Variants in CENPF observed in about 807,000 individuals in gnomAD.
The protein encoded by CENPF is AH antigen.
Under a neutral mutation model 307.3 loss-of-function variants are expected in CENPF, and 214 were observed. The observed-to-expected ratio is 0.70, with a 90% CI of 0.62 to 0.78. CENPF has a LOEUF of 0.78. Ranked by LOEUF, CENPF falls within the 30% of genes least tolerant of loss-of-function variation. The probability of loss-of-function intolerance (pLI) is 0.00; values close to 1 mark genes in which losing one functional copy is unlikely to be tolerated. For missense variants in CENPF, 3,401 were observed against 3,483.9 expected, an observed-to-expected ratio of 0.98 and a Z score of 0.60; for synonymous variants, 1,259 against 1,270.6, an observed-to-expected ratio of 0.99 and a Z score of 0.19.
At chr1:214,638,086 A>T in intron 11 of CENPF, 85 bp downstream of exon 11, 2 of 1,328,734 alleles carry the variant, frequency 1.5e-6, no homozygotes, top group Non-Finnish European at 1.0e-6. Context: ...TATTAGAGAA[A>T]CTCTTTGGAT....
At chr1:214,620,568 G>T in intron 5 of CENPF, 87 bp from the exon 6 acceptor site, 1 of 1,379,242 alleles carries the variant, frequency 7.3e-7, no homozygotes, top group Middle Eastern at 1.9e-4. Context: ...AACTTCTTGG[G>T]ATTATGGCTT....
At chr1:214,658,182 G>A (rs1247555424) in intron 18 of CENPF, among the ~76,000 whole-genome samples, 1 of 107,132 alleles carries the variant, frequency 9.3e-6, no homozygotes, top group Non-Finnish European at 2.0e-5. Flanking sequence ...TGTAGTTAAA[G>A]TGTGAAAAAA....
intron 7 of CENPF, among the ~76,000 whole-genome samples, chr1:214,628,723 A>T (rs1657724126): frequency 6.6e-6 from 1 of 152,248 alleles, no homozygotes; most frequent in African/African-American, 2.4e-5. Context: ...TTATGCTTGA[A>T]ACAGACTATC....
chr1:214,649,953 G>A (rs1370629682), intron 14 of CENPF, among the ~76,000 whole-genome samples: 1 of 152,194 alleles, frequency 6.6e-6, no homozygotes, highest in Non-Finnish European at 1.5e-5. Context: ...CCTATCCTGT[G>A]TTTCCTGCAC....
chr1:214,605,549 C>G lies in CENPF; in HGVS notation c.-42+2228C>G, dbSNP rs915111806. The G allele has an allele frequency of 2.7e-5, 18 of 670,670 alleles. 1 individual carries two copies. The highest frequency in any genetic ancestry group is 5.4e-5 in the African/African-American group (3 of 55,152). 41.5% of individuals were successfully genotyped at this position (670,670 alleles called of 1,614,324 possible). On this transcript the variant is annotated intron_variant, in intron 1 of 19. Coordinates refer to ENST00000366955, the MANE Select transcript of CENPF (RefSeq NM_016343.4). ...AGCTCTGTTGCCTGTACATCGTCCA[C>G]AGCCCCTGGGTTGGAGCGGGGTCCC...
At chr1:214,620,565 TG>T (rs1429974693) in intron 5 of CENPF, 89 bp from the exon 6 acceptor site, 1 of 1,358,236 alleles carries the variant, frequency 7.4e-7, no homozygotes, top group East Asian at 2.3e-5. Flanking sequence ...GTTAACTTCT[TG>T]GGATTATGGC....
rs775507711 is a variant in CENPF at position 214,622,176 on chromosome 1, A to G, written c.963A>G (p.Gln321=). The G allele has an allele frequency of 1.9e-6, 3 of 1,614,060 alleles. No individual in the cohort carries two copies. The South Asian group carries it at 3.3e-5, about 18-fold the overall frequency. The change falls in exon 7 of 20, where the codon CAA becomes CAG. Residue 321 remains glutamine (Q), a synonymous_variant. Transcript: ENST00000366955. ...ATAAGTTTCAAGAACTCCAACTCCAACTGGAGAAAGCAAAAGTGGAATTAA... is the reference window on the plus strand; with the variant it reads ...ATAAGTTTCAAGAACTCCAACTCCAGCTGGAGAAAGCAAAAGTGGAATTAA... ...QVNKFQELQL[Q]LEKAKVELIE...
chr1:214,627,166 C>T (rs1657677121), intron 7 of CENPF, among the ~76,000 whole-genome samples: 1 of 151,622 alleles, frequency 6.6e-6, no homozygotes, highest in Non-Finnish European at 1.5e-5. Context: ...CTTCTGGGCT[C>T]CTTCCACCTC....
At chr1:214,624,672 A>G (rs1462010908) in intron 7 of CENPF, among the ~76,000 whole-genome samples, 2 of 149,252 alleles carry the variant, frequency 1.3e-5, no homozygotes, top group Non-Finnish European at 3.0e-5. Flanking sequence ...AGTTTTGTTG[A>G]TCTTTACTAA....
intron 7 of CENPF, 145 bp downstream of exon 7, chr1:214,622,426 A>G (rs1657533753): frequency 2.6e-6 from 2 of 760,020 alleles, no homozygotes; most frequent in Non-Finnish European, 4.1e-6. Context: ...ACTGAACTAG[A>G]AAGCTGTTTT....
chr1:214,657,315 A>C lies in CENPF; in HGVS notation c.8868A>C (p.Lys2956Asn). The C allele has an allele frequency of 1.2e-6, 2 of 1,614,018 alleles. No individual in the cohort carries two copies. The highest frequency in any genetic ancestry group is 1.7e-6 in the Non-Finnish European group (2 of 1,180,012). ...CTACCCCAGAGAGCTTTTCTAAAAA[A>C]AGCAAGAAAGCAGTCATGAGTGGTA... is the stretch of plus-strand genomic sequence containing the variant. ...TPATPESFSK[K>N]SKKAVMSGIH... Residue 2956 changes from lysine (K) to asparagine (N), a missense_variant, in exon 18 of 20, where the codon AAA (lysine) becomes AAC (asparagine). Lys to Asn is a moderately conservative substitution (Grantham distance 94). Coordinates refer to ENST00000366955, the MANE Select transcript of CENPF (RefSeq NM_016343.4).
Position 214,616,889 on chromosome 1 carries a change from CTTTCTTTCTTTCTTTCTTTCTTT to C in CENPF, c.360-1683_360-1661del, listed in dbSNP as rs1370831666. Among the ~76,000 whole-genome samples, 19 of 100,000 alleles carry C rather than the reference CTTTCTTTCTTTCTTTCTTTCTTT, an allele frequency of 1.9e-4. 1 individual carries two copies. Among genetic ancestry groups the C allele is most frequent in the South Asian group, 3.6e-4 (1 of 2,798 alleles). The allele number at this position is 100,000 out of a possible 152,430, so 65.6% of individuals were successfully genotyped here. A position where few individuals can be genotyped will look rare whatever the true frequency, so the allele number is the denominator to read the frequency against. On this transcript the variant is annotated intron_variant, in intron 3 of 19. Transcript: ENST00000366955. Reference sequence around the variant, plus strand: ...TCTTTCTTTCTTTCTTTCTTTCTTTCTTTCTTTCTTTCTTTCTTTCTTTCTTTCTTTCTTCTTTCTTTCCACCC... The same window carrying C: ...TCTTTCTTTCTTTCTTTCTTTCTTTCCTTTCTTTCTTCTTTCTTTCCACCC...
rs1177747763 is a variant in CENPF, at chr1:214,641,647, G to A, written c.3309G>A (p.Leu1103=). The A allele has an allele frequency of 5.1e-6, 8 of 1,578,006 alleles. No homozygotes were observed. Among genetic ancestry groups the A allele is most frequent in the Non-Finnish European group, 6.9e-6 (8 of 1,165,872 alleles). ...EERNQNLMLE[L]ETVQQALRSE... is the part of the protein sequence containing the mutation. ...GAAATCAGAATCTGATGCTAGAGTT[G>A]GAGACAGTGCAGCAAGCTCTGAGAT... is the stretch of plus-strand genomic sequence containing the variant. The change falls in exon 12 of 20, where the codon TTG becomes TTA. Residue 1103 remains leucine, a synonymous_variant. Transcript: ENST00000366955.
At chr1:214,652,444 C>CTTT (rs34873218) in intron 15 of CENPF, among the ~76,000 whole-genome samples, 1 of 120,946 alleles carries the variant, frequency 8.3e-6, no homozygotes, top group African/African-American at 3.3e-5. Context: ...TTTTTCTTTT[C>CTTT]TTTTTTTTTT....
chr1:214,639,861 C>A, intron 11 of CENPF, 60 bp from the exon 12 acceptor site: 1 of 1,259,518 alleles, frequency 7.9e-7, no homozygotes, highest in Non-Finnish European at 1.1e-6. Flanking sequence ...GAGGGGTTAG[C>A]GTTTCTGTAG....
rs929687332 is a variant in CENPF at position 214,619,121 on chromosome 1, G to A, written c.482-8G>A. 7.6e-7 allele frequency: 1 copy of A among 1,323,700 alleles called. No individual in the cohort carries two copies. The highest frequency in any genetic ancestry group is 1.2e-5 in the South Asian group (1 of 80,938). The allele number at this position is 1,323,700 out of a possible 1,614,324, so 82.0% of individuals were successfully genotyped here. A position where few individuals can be genotyped will look rare whatever the true frequency, so the allele number is the denominator to read the frequency against. On this transcript the variant is annotated splice_polypyrimidine_tract_variant and splice_region_variant and intron_variant, in intron 4 of 19. Coordinates refer to ENST00000366955, the MANE Select transcript of CENPF (RefSeq NM_016343.4). ...GAAAGAAAACTGTATTTGATTGTCT[G>A]TTTCTAGGTTCCAAGTATGAAGATC...
Position 214,646,836 on chromosome 1 carries a change from G to A in CENPF, c.7266G>A (p.Leu2422=). The A allele has an allele frequency of 6.2e-7, 1 of 1,610,498 alleles. No individual in the cohort carries two copies. Among genetic ancestry groups the A allele is most frequent in the Non-Finnish European group, 8.5e-7 (1 of 1,178,874 alleles). Residue 2422 remains leucine, a synonymous_variant, in exon 13 of 20, where the codon TTG becomes TTA. Coordinates refer to ENST00000366955, the MANE Select transcript of CENPF (RefSeq NM_016343.4). The stretch of plus-strand genomic sequence containing the variant: ...TAAATTCATCATTTGAAAATATTTT[G>A]CAAGAAAAAGAGCAAGAGAAAGTAC... The part of the protein sequence containing the change: ...EIINSSFENI[L]QEKEQEKVQM...
At chr1:214,658,081 C>G (rs949293469) in intron 18 of CENPF, among the ~76,000 whole-genome samples, 3 of 152,198 alleles carry the variant, frequency 2.0e-5, no homozygotes, top group African/African-American at 7.2e-5. Flanking sequence ...AATATCAAAA[C>G]TGATGCTTTG....
Position 214,645,557 on chromosome 1 carries a change from G to A in CENPF, c.5987G>A (p.Ser1996Asn), listed in dbSNP as rs1029633897. 1.9e-6 allele frequency: 3 copies of A among 1,614,060 alleles called. No individual in the cohort carries two copies. The highest frequency in any genetic ancestry group is 2.5e-6 in the Non-Finnish European group (3 of 1,180,044). ...EKTQELESHQ[S>N]ECLHCIQVAE... The stretch of plus-strand genomic sequence containing the variant: ...ACACAAGAGCTTGAGTCTCATCAAA[G>A]TGAGTGTCTCCATTGCATTCAGGTG... Residue 1996 changes from serine to asparagine, a missense_variant, in exon 13 of 20, where the codon AGT (serine) becomes AAT (asparagine). By Grantham distance (46) the Ser-to-Asn change is conservative (BLOSUM62 1). Coordinates refer to ENST00000366955, the MANE Select transcript of CENPF (RefSeq NM_016343.4).
Sources: allele counts gnomAD v4.1 joint callset (sites outside exome capture counted in the v4.1 genomes callset), GRCh38; gene constraint gnomAD v4.1.1; transcripts MANE v1.5; gene names NCBI Gene and HGNC (gene_info 2026-07-23, HGNC 2026-07-21).